Variants in TCTN1 observed in about 807,000 individuals in gnomAD.
The protein encoded by TCTN1 is tectonic-1.
Under a neutral mutation model 65.8 loss-of-function variants are expected in TCTN1, and 58 were observed. The ratio of observed to expected loss-of-function variants is 0.88; its 90% CI spans 0.71 to 1.10. The LOEUF is 1.10. Among genes scored for constraint, TCTN1 ranks in the 50% least tolerant of loss-of-function variants. The probability of loss-of-function intolerance (pLI) is 0.00; values close to 1 mark genes in which losing one functional copy is unlikely to be tolerated. For missense variants in TCTN1, 645 were observed against 719.4 expected, an observed-to-expected ratio of 0.90 and a Z score of 1.18; for synonymous variants, 273 against 289.1, an observed-to-expected ratio of 0.94 and a Z score of 0.57.
chr12:110,635,811 A>G (rs1487761298), intron 6 of TCTN1: 1 of 152,276 alleles, frequency 6.6e-6, no homozygotes, highest in Admixed American at 6.5e-5. Flanking sequence ...CTCTCCCCTC[A>G]TTTTCTCTCT....
At chr12:110,627,222 C>T (rs1448563237) in intron 3 of TCTN1, among the ~76,000 whole-genome samples, 4 of 151,508 alleles carry the variant, frequency 2.6e-5, no homozygotes, top group Admixed American at 1.3e-4. Flanking sequence ...CTCAGCCTCC[C>T]GAGTAGCTGA....
intron 1 of TCTN1, among the ~76,000 whole-genome samples, chr12:110,615,080 T>TAGG (rs1467484488): frequency 6.6e-6 from 1 of 152,120 alleles, no homozygotes; most frequent in Non-Finnish European, 1.5e-5. Context: ...TTGCTTGAGG[T>TAGG]AGGAGTTCAA....
chr12:110,624,171 C>T (rs780757351), intron 2 of TCTN1, among the ~76,000 whole-genome samples: 52 of 151,028 alleles, frequency 3.4e-4, no homozygotes, highest in Non-Finnish European at 7.1e-4. Context: ...ATCCTCCTGC[C>T]ATGGCCTCCC....
In TCTN1 at chr12:110,640,031, C is replaced by CA. The variant is rs2066844236; in HGVS notation, c.844-352_844-351insA. Among the ~76,000 whole-genome samples the CA allele has an allele frequency of 6.6e-6, 1 of 152,156 alleles. No individual in the cohort carries two copies. The highest frequency in any genetic ancestry group is 1.5e-5 in the Non-Finnish European group (1 of 68,036). On this transcript the variant is annotated intron_variant, in intron 7 of 14. Transcript: ENST00000397659. The surrounding 1 kb of genome is among the most constrained non-coding windows in gnomAD (Gnocchi z 4.9). ...GGATGAGTCATATGCCTTTGTAAGG[C>CA]TAGACTTTGTATTTATCCATTCATC...
At chr12:110,619,763 C>T in intron 1 of TCTN1, 73 bp from the exon 2 acceptor site, 1 of 1,607,222 alleles carries the variant, frequency 6.2e-7, no homozygotes, top group Non-Finnish European at 8.5e-7. Context: ...ACTTATGGTA[C>T]ACTGTGGTGG....
intron 1 of TCTN1, among the ~76,000 whole-genome samples, chr12:110,615,907 A>G (rs956907941): frequency 6.6e-6 from 1 of 152,218 alleles, no homozygotes; most frequent in African/African-American, 2.4e-5. Context: ...TTATTTCTCC[A>G]AAAGCTCTCC....
chr12:110,647,308 CA>C lies in TCTN1; in HGVS notation c.1610del (p.Asn537IlefsTer2), dbSNP rs1403867215. On this transcript the variant is annotated frameshift_variant, in exon 13 of 15. Coordinates refer to ENST00000397659, the MANE Select transcript of TCTN1 (RefSeq NM_001082538.3). LOFTEE classifies it high-confidence loss of function. ...CAGGCCAAAATAGTCAATGTAACTG[CA>C]AATCTAATTTCATCCTCCTTTCCTG... ...NPQAKIVNVT[A>X]NLISSSFPEA... The C allele has an allele frequency of 6.2e-7, 1 of 1,614,190 alleles. No individual in the cohort carries two copies. The highest frequency in any genetic ancestry group is 1.1e-5 in the South Asian group (1 of 91,092).
rs547752081 is a variant in TCTN1 at position 110,622,087 on chromosome 12, A to C, written c.341+2131A>C. On this transcript the variant is annotated intron_variant, in intron 2 of 14. Coordinates refer to ENST00000397659, the MANE Select transcript of TCTN1 (RefSeq NM_001082538.3). ...TGGGAGGCAGAGGTTGCAGGAGCCA[A>C]GATCGCACCATTGCACTCTAGCCCG... is the stretch of plus-strand genomic sequence containing the variant. Among the ~76,000 whole-genome samples, 204 of 152,054 alleles carry C rather than the reference A, an allele frequency of 1.3e-3. 1 individual carries two copies. Among genetic ancestry groups the C allele is most frequent in the African/African-American group, 4.7e-3 (196 of 41,470 alleles).
intron 14 of TCTN1, 97 bp from the exon 15 acceptor site, chr12:110,648,946 G>T (rs2067632496): frequency 7.0e-6 from 3 of 427,708 alleles, no homozygotes; most frequent in African/African-American, 4.2e-5. Flanking sequence ...TACCCCTTTT[G>T]GGGAAACTGA....
rs1257443857 is a variant in TCTN1, at chr12:110,626,671, C to T, written c.472+179C>T. On this transcript the variant is annotated intron_variant, in intron 3 of 14. Transcript: ENST00000397659. ...CTCGGCTCACTGAAACCTCCACCTC[C>T]CAGATTCAAGTGATTCTCCTGCCTC... Among the ~76,000 whole-genome samples, 4 of 151,944 alleles carry T rather than the reference C, an allele frequency of 2.6e-5. No homozygotes were observed. The East Asian group carries it at 7.7e-4, about 29-fold the overall frequency.
At chr12:110,633,076 A>C (rs1215957276) in intron 5 of TCTN1, among the ~76,000 whole-genome samples, 5 of 152,132 alleles carry the variant, frequency 3.3e-5, no homozygotes, top group Admixed American at 3.3e-4. Context: ...GTTCAGGCTC[A>C]CTCAGGTGGT....
At position 110,645,117 on chromosome 12, in the gene TCTN1, A is replaced by G; in HGVS notation, c.1482A>G (p.Ser494=). The G allele has an allele frequency of 1.2e-6, 2 of 1,614,086 alleles. No homozygotes were observed. The highest frequency in any genetic ancestry group is 4.5e-5 in the East Asian group (2 of 44,870). ...TGCCCATCCACTTCATCACCCAGTC[A>G]TTCAACAGGAAGGTAAAGGGGAGAA... The part of the protein sequence containing the change: ...DWVPIHFITQ[S]FNRKHFVLQD... Residue 494 remains serine (S), a synonymous_variant, in exon 12 of 15, where the codon TCA becomes TCG. Coordinates refer to ENST00000397659, the MANE Select transcript of TCTN1 (RefSeq NM_001082538.3).
At chr12:110,624,543 T>G (rs1183778593) in intron 2 of TCTN1, among the ~76,000 whole-genome samples, 6 of 150,972 alleles carry the variant, frequency 4.0e-5, no homozygotes, top group African/African-American at 1.5e-4. Flanking sequence ...GATTGGGATT[T>G]GTCAAATCTG....
chr12:110,624,089 A>G (rs1318377884), intron 2 of TCTN1, among the ~76,000 whole-genome samples: 1 of 129,664 alleles, frequency 7.7e-6, no homozygotes, highest in Non-Finnish European at 1.7e-5. Context: ...CTATCTGTCT[A>G]TTTTTTTTTT....
At chr12:110,645,177 A>G in intron 12 of TCTN1, 48 bp downstream of exon 12, 1 of 1,609,010 alleles carries the variant, frequency 6.2e-7, no homozygotes, top group Non-Finnish European at 8.5e-7. Flanking sequence ...TCTGTCTTCC[A>G]GGTGGTGTGA....
chr12:110,624,089 ATTT>A (rs1246476920), intron 2 of TCTN1, among the ~76,000 whole-genome samples: 1 of 129,650 alleles, frequency 7.7e-6, no homozygotes, highest in Non-Finnish European at 1.7e-5. Flanking sequence ...CTATCTGTCT[ATTT>A]TTTTTTTTTT....
In TCTN1 at chr12:110,640,482, G is replaced by A; in HGVS notation, c.943G>A (p.Gly315Arg). The change falls in exon 8 of 15, where the codon GGA (glycine) becomes AGA (arginine). Residue 315 changes from glycine (G) to arginine (R), a missense_variant. Transcript: ENST00000397659. This position sits in a 1 kb window ranked among gnomAD's most constrained non-coding sequence, Gnocchi z 4.9. ...GCTGCAGCCGACTCTCGTCAACGCTGGACACTTTAGCCTTTGCGTGAATGT... is the reference window on the plus strand; with the variant it reads ...GCTGCAGCCGACTCTCGTCAACGCTAGACACTTTAGCCTTTGCGTGAATGT... The part of the protein sequence containing the change: ...DVLQPTLVNA[G>R]HFSLCVNVVL... The A allele has an allele frequency of 6.2e-7, 1 of 1,614,222 alleles. No individual in the cohort carries two copies. Among genetic ancestry groups the A allele is most frequent in the Non-Finnish European group, 8.5e-7 (1 of 1,180,038 alleles).
intron 3 of TCTN1, chr12:110,627,793 C>A: frequency 1.9e-6 from 1 of 534,690 alleles, no homozygotes; most frequent in South Asian, 3.0e-5. Flanking sequence ...TGTCTAGATC[C>A]AAAGTACATG....
chr12:110,616,372 C>A, intron 1 of TCTN1: 1 of 349,868 alleles, frequency 2.9e-6, no homozygotes, highest in South Asian at 2.1e-5. Flanking sequence ...CCACCTCAGA[C>A]TCCCGGGTAG....
Sources: allele counts gnomAD v4.1 joint callset (sites outside exome capture counted in the v4.1 genomes callset), GRCh38; gene constraint gnomAD v4.1.1; non-coding constraint Gnocchi (gnomAD v3.1); transcripts MANE v1.5; gene names NCBI Gene and HGNC (gene_info 2026-07-23, HGNC 2026-07-21).